The following KIAA0930 variants were observed in gnomAD, a reference collection of about 807,000 sequenced individuals.
KIAA0930 encodes KIAA0930.
Under a neutral mutation model 43.9 loss-of-function variants are expected in KIAA0930, and 24 were observed. The ratio of observed to expected loss-of-function variants is 0.55; its 90% confidence interval spans 0.40 to 0.77. The LOEUF (loss-of-function observed/expected upper bound fraction) is 0.77. Among genes scored for constraint, KIAA0930 ranks in the 30% least tolerant of loss-of-function variants. The pLI is 0.00. For synonymous variants in KIAA0930, 259 were observed against 216.4 expected (o/e 1.20, Z -1.73); for missense variants, 461 against 574.2 (o/e 0.80, Z 2.02).
chr22:45,224,054 C>G (rs2083783872), intron 1 of KIAA0930, among the ~76,000 whole-genome samples: 1 of 152,190 alleles, frequency 6.6e-6, no homozygotes, highest in South Asian at 2.1e-4. Context: ...AGAACCTTCT[C>G]AAACCTTTTG....
chr22:45,204,237 C>T (rs1377317507), intron 5 of KIAA0930, among the ~76,000 whole-genome samples: 1 of 152,168 alleles, frequency 6.6e-6, no homozygotes. Context: ...AGAAGACGCA[C>T]ACCCTCATCA....
chr22:45,205,817 G>A lies in KIAA0930; in HGVS notation c.312C>T (p.Val104=), dbSNP rs766786704. 4 of 1,464,454 alleles carry A rather than the reference G, an allele frequency of 2.7e-6. No individual in the cohort carries two copies. The highest frequency in any genetic ancestry group is 2.8e-6 in the Non-Finnish European group (3 of 1,088,530). 90.7% of individuals were successfully genotyped at this position (1,464,454 alleles called of 1,614,324 possible). The change falls in exon 3 of 10, where the codon GTC becomes GTT. Residue 104 remains valine (V), a synonymous_variant. Transcript: ENST00000336156. The part of the protein sequence containing the change: ...GDPDIDWEES[V]CLNLILQKLD... ...CCTTCTGCAGGATGAGATTCAGGCA[G>A]ACGCTCTCCTCCCAGTCGATGTCAG...
intron 1 of KIAA0930, among the ~76,000 whole-genome samples, chr22:45,234,636 T>C (rs1292237204): frequency 6.6e-6 from 1 of 152,234 alleles, no homozygotes; most frequent in Non-Finnish European, 1.5e-5. Context: ...CTTAAAGACA[T>C]AATCCAAATA....
Position 45,194,392 on chromosome 22 carries a change from G to A in KIAA0930, c.*2784C>T, listed in dbSNP as rs1044412639. On this transcript the variant is annotated 3_prime_UTR_variant, in exon 10 of 10. Coordinates refer to ENST00000336156, the MANE Select transcript of KIAA0930 (RefSeq NM_001009880.2). The stretch of plus-strand genomic sequence containing the variant: ...GCCCAGCCCCAATATGTCTTAAAGG[G>A]GGTTTGGGATTAAAGTACAGTTTTC... 6.6e-6 allele frequency: 1 copy of A among 152,134 alleles called. No homozygotes were observed. The highest frequency in any genetic ancestry group is 6.5e-5 in the Admixed American group (1 of 15,278). The allele number at this position is 152,134 out of a possible 1,614,324, so 9.4% of individuals were successfully genotyped here.
At chr22:45,238,709 C>T (rs968797659) in intron 1 of KIAA0930, among the ~76,000 whole-genome samples, 4 of 152,024 alleles carry the variant, frequency 2.6e-5, no homozygotes, top group Non-Finnish European at 5.9e-5. Context: ...CTGGCACGTG[C>T]GGGAGGCCTG....
chr22:45,204,802 G>A (rs768325915), intron 5 of KIAA0930, among the ~76,000 whole-genome samples: 19 of 151,614 alleles, frequency 1.3e-4, no homozygotes, highest in Admixed American at 8.5e-4. Context: ...AGATAACTCC[G>A]GAAACCCCAT....
intron 7 of KIAA0930, among the ~76,000 whole-genome samples, chr22:45,202,376 GC>G (rs911585532): frequency 3.6e-4 from 55 of 152,376 alleles, no homozygotes; most frequent in African/African-American, 1.3e-3. Context: ...AGGGCCCCAA[GC>G]CCAGTGCTAT....
At chr22:45,201,832 A>G (rs1339807480) in intron 7 of KIAA0930, among the ~76,000 whole-genome samples, 2 of 152,230 alleles carry the variant, frequency 1.3e-5, no homozygotes, top group African/African-American at 2.4e-5. Flanking sequence ...TTCTCGAACT[A>G]AAAGTATAAC....
chr22:45,226,938 C>G (rs1396028008), intron 1 of KIAA0930: 1 of 153,068 alleles, frequency 6.5e-6, no homozygotes, highest in Non-Finnish European at 1.5e-5. Context: ...AGTCACAGAA[C>G]CCTTGAACCT....
chr22:45,211,490 TAAG>T, intron 2 of KIAA0930: 6 of 403,616 alleles, frequency 1.5e-5, no homozygotes, highest in Middle Eastern at 6.3e-4. Flanking sequence ...ACAAGGAGGC[TAAG>T]AAGAAGAGAG....
chr22:45,205,380 G>C (rs1841766479), intron 4 of KIAA0930, 62 bp from the exon 5 acceptor site: 1 of 1,451,110 alleles, frequency 6.9e-7, no homozygotes. Context: ...CCCAGAGCCA[G>C]TCCAAGCCAG....
intron 1 of KIAA0930, among the ~76,000 whole-genome samples, chr22:45,239,439 C>CCCCCA (rs2083904468): frequency 6.6e-6 from 1 of 152,302 alleles, no homozygotes; most frequent in Admixed American, 6.5e-5. Context: ...TCATAAGCAC[C>CCCCCA]CCCCACCCCA....
chr22:45,199,472 G>C (rs1193281750), intron 8 of KIAA0930, among the ~76,000 whole-genome samples: 1 of 152,188 alleles, frequency 6.6e-6, no homozygotes, highest in African/African-American at 2.4e-5. Flanking sequence ...AGGGCGAGCT[G>C]GCCCAAGGCA....
intron 1 of KIAA0930, among the ~76,000 whole-genome samples, chr22:45,216,433 G>A (rs1209253477): frequency 6.6e-6 from 1 of 151,726 alleles, no homozygotes; most frequent in African/African-American, 2.4e-5. Flanking sequence ...CTGCTGCCCT[G>A]CATGTCAGAA....
Position 45,193,963 on chromosome 22 carries a change from G to T in KIAA0930, c.*3213C>A, listed in dbSNP as rs1245376995. On this transcript the variant is annotated 3_prime_UTR_variant, in exon 10 of 10. Coordinates refer to ENST00000336156, the MANE Select transcript of KIAA0930 (RefSeq NM_001009880.2). ...TAATGTTCTAAAAAGTGACACCTAG[G>T]TTTCCTCAACAGAAAGCTGTGCTTC... 1 of 147,910 alleles carries T rather than the reference G, an allele frequency of 6.8e-6. No individual in the cohort carries two copies. Among genetic ancestry groups the T allele is most frequent in the Middle Eastern group, 3.5e-3 (1 of 282 alleles). 9.2% of individuals were successfully genotyped at this position (147,910 alleles called of 1,614,324 possible).
At chr22:45,208,381 A>G (rs13056891) in intron 2 of KIAA0930, among the ~76,000 whole-genome samples, 3,684 of 96,276 alleles carry the variant, frequency 0.038, 28 homozygotes, top group Non-Finnish European at 0.052. Context: ...CACGAGCTGT[A>G]AGAACAGGTA....
In KIAA0930 at chr22:45,216,391, G is replaced by A. The variant is rs141533125; in HGVS notation, c.65-4284C>T. ...CTCTGCTGGCTGCACGGCTCCAGCT[G>A]CTGCAATGTGGGCTGCTGGAGACCC... is the stretch of plus-strand genomic sequence containing the variant. On this transcript the variant is annotated intron_variant, in intron 1 of 9. Coordinates refer to ENST00000336156, the MANE Select transcript of KIAA0930 (RefSeq NM_001009880.2). Among the ~76,000 whole-genome samples the A allele has an allele frequency of 2.2e-4, 33 of 152,304 alleles. No homozygotes were observed. The East Asian group carries it at 6.2e-3, about 29-fold the overall frequency.
chr22:45,212,478 TG>T (rs919237594), intron 1 of KIAA0930: 16 of 1,442,136 alleles, frequency 1.1e-5, no homozygotes, highest in Middle Eastern at 2.6e-4. Flanking sequence ...AAGGCTTGGC[TG>T]GGGGGGAGCC....
In KIAA0930 at chr22:45,212,214, T is replaced by A. The variant is rs367831117; in HGVS notation, c.65-107A>T. The A allele has an allele frequency of 4.5e-5, 73 of 1,612,912 alleles. 1 individual carries two copies. The East Asian group carries it at 1.2e-3, about 26-fold the overall frequency. ...ACCCCCACATTTCTGGCCAGAAATT[T>A]GCGAGGGCTCTGAGATGCGCCACCC... On this transcript the variant is annotated intron_variant, in intron 1 of 9. Transcript: ENST00000336156.
Sources: gnomAD v4.1 joint callset for allele counts (sites outside exome capture counted in the v4.1 genomes callset) on GRCh38, gnomAD v4.1.1 for gene constraint, MANE v1.5 for transcripts, NCBI Gene and HGNC (gene_info 2026-07-23, HGNC 2026-07-21) for gene names.